MSI2: variants seen among roughly 807,000 people sequenced by gnomAD.
MSI2 encodes the protein RNA-binding protein Musashi homolog 2.
MSI2 carries 17 observed loss-of-function variants against 45.6 expected under a neutral mutation model. That is an observed-to-expected ratio of 0.37 (90% confidence interval 0.26 to 0.56). The LOEUF is 0.56. MSI2 is among the 20% of genes least tolerant of loss of function. The pLI, the probability that MSI2 is intolerant of heterozygous loss-of-function variation, is 0.77. For missense variants in MSI2, 293 were observed against 444.2 expected (o/e 0.66, Z 3.06); for synonymous variants, 156 against 158.2 (o/e 0.99, Z 0.11).
intron 6 of MSI2, among the ~76,000 whole-genome samples, chr17:57,439,826 T>G (rs544055033): frequency 6.6e-6 from 1 of 152,266 alleles, no homozygotes; most frequent in East Asian, 1.9e-4. Context: ...TTTCCAGGAT[T>G]CTTAGCGGAT....
chr17:57,607,269 T>G (rs1351834694), intron 8 of MSI2, among the ~76,000 whole-genome samples: 1 of 152,188 alleles, frequency 6.6e-6, no homozygotes, highest in Non-Finnish European at 1.5e-5. Flanking sequence ...CCCTCCTGAG[T>G]CAAGATTATA....
chr17:57,650,369 G>A (rs369067983), intron 10 of MSI2, among the ~76,000 whole-genome samples: 1 of 152,160 alleles, frequency 6.6e-6, no homozygotes. Flanking sequence ...GGTGTCCTGG[G>A]GGTTGGGACA....
At chr17:57,329,795 A>G (rs1484485268) in intron 5 of MSI2, among the ~76,000 whole-genome samples, 2 of 152,194 alleles carry the variant, frequency 1.3e-5, no homozygotes, top group African/African-American at 4.8e-5. Context: ...GAGTTACGTA[A>G]TTTTGCAGAA....
At chr17:57,526,570 G>A (rs966187664) in intron 6 of MSI2, among the ~76,000 whole-genome samples, 3 of 151,936 alleles carry the variant, frequency 2.0e-5, no homozygotes, top group African/African-American at 4.8e-5. Context: ...AAACAGTCTC[G>A]TATGTGAGAC....
intron 6 of MSI2, among the ~76,000 whole-genome samples, chr17:57,450,670 C>CAAAAA (rs58773765): frequency 3.1e-5 from 1 of 31,940 alleles, no homozygotes; most frequent in African/African-American, 1.2e-4. Context: ...GACTGCATCT[C>CAAAAA]AAAAAAAAAA....
At chr17:57,516,162 A>C (rs1598354639) in intron 6 of MSI2, among the ~76,000 whole-genome samples, 1 of 151,986 alleles carries the variant, frequency 6.6e-6, no homozygotes, top group Non-Finnish European at 1.5e-5. Context: ...CTGTTCCATC[A>C]CCCCAACAAA....
At chr17:57,502,737 T>C (rs905767232) in intron 6 of MSI2, among the ~76,000 whole-genome samples, 1 of 150,594 alleles carries the variant, frequency 6.6e-6, no homozygotes, top group African/African-American at 2.4e-5. Flanking sequence ...GATGAGGCTG[T>C]TTGCGTGTTT....
At chr17:57,433,415 A>G (rs2084635776) in intron 6 of MSI2, among the ~76,000 whole-genome samples, 1 of 152,192 alleles carries the variant, frequency 6.6e-6, no homozygotes, top group Non-Finnish European at 1.5e-5. Flanking sequence ...AGAGACAGGG[A>G]TCAGAGTGAT....
In MSI2 at chr17:57,585,646, GAGA is replaced by G. The variant is rs1382226106; in HGVS notation, c.455-11219_455-11217del. On this transcript the variant is annotated intron_variant, in intron 7 of 13. Coordinates refer to ENST00000284073, the MANE Select transcript of MSI2 (RefSeq NM_138962.4). ...GGATGAGGCTGGAGGATGAACGTGA[GAGA>G]AGGTGACAAATTTGAAACCCACTCT... 1.4e-4 allele frequency among the ~76,000 whole-genome samples: 22 copies of G among 152,346 alleles called. No individual in the cohort carries two copies. In the East Asian group the frequency reaches 4.0e-3, roughly 28 times the overall value.
At chr17:57,502,251 AC>A (rs2086123092) in intron 6 of MSI2, among the ~76,000 whole-genome samples, 1 of 152,178 alleles carries the variant, frequency 6.6e-6, no homozygotes, top group African/African-American at 2.4e-5. Context: ...GTTCTTTACC[AC>A]ATTAAAAGAT....
chr17:57,395,200 C>T (rs1257047341), intron 5 of MSI2, among the ~76,000 whole-genome samples: 1 of 152,210 alleles, frequency 6.6e-6, no homozygotes, highest in Non-Finnish European at 1.5e-5. Flanking sequence ...GGATTTAGGG[C>T]TTACCCTATG....
intron 13 of MSI2, 85 bp from the exon 14 acceptor site, chr17:57,679,464 A>G: frequency 2.9e-6 from 2 of 683,610 alleles, no homozygotes; most frequent in Non-Finnish European, 3.7e-6. Context: ...AGGAAATCGC[A>G]TACTTGTCTG....
At chr17:57,275,613 T>G (rs1207516054) in intron 5 of MSI2, among the ~76,000 whole-genome samples, 1 of 152,150 alleles carries the variant, frequency 6.6e-6, no homozygotes, top group Non-Finnish European at 1.5e-5. Context: ...GTGGGTCCCT[T>G]TCACTTCATG....
intron 5 of MSI2, among the ~76,000 whole-genome samples, chr17:57,323,210 G>A (rs867397776): frequency 6.6e-6 from 1 of 152,194 alleles, no homozygotes; most frequent in Non-Finnish European, 1.5e-5. Context: ...TGAATCAGGT[G>A]TAGGTCTGTT....
chr17:57,329,963 C>A (rs1022272064), intron 5 of MSI2, among the ~76,000 whole-genome samples: 7 of 149,770 alleles, frequency 4.7e-5, no homozygotes, highest in African/African-American at 1.5e-4. Flanking sequence ...GGTCAGATAG[C>A]CTTATTTAAC....
intron 6 of MSI2, among the ~76,000 whole-genome samples, chr17:57,404,666 C>T (rs2143128380): frequency 6.6e-6 from 1 of 152,216 alleles, no homozygotes; most frequent in South Asian, 2.1e-4. Flanking sequence ...CCCATCCTGC[C>T]CGAGGTGGCA....
intron 9 of MSI2, among the ~76,000 whole-genome samples, chr17:57,622,247 T>TTTGCGGCACTGCC (rs11269673): frequency 0.56 from 84,471 of 151,936 alleles, 24,583 homozygotes; most frequent in East Asian, 0.79. Flanking sequence ...CCCCTCAGAC[T>TTTGCGGCACTGCC]TTGCGGCACC....
intron 6 of MSI2, among the ~76,000 whole-genome samples, chr17:57,404,521 A>T (rs1230867060): frequency 6.6e-6 from 1 of 152,114 alleles, no homozygotes; most frequent in African/African-American, 2.4e-5. Flanking sequence ...CCCAGGTAAG[A>T]CAGTGTAAGA....
chr17:57,454,918 C>G (rs4793852), intron 6 of MSI2, among the ~76,000 whole-genome samples: 3 of 152,054 alleles, frequency 2.0e-5, no homozygotes, highest in African/African-American at 7.3e-5. Context: ...TGGGGCTTCA[C>G]CTCATCTTTG....
Sources: allele counts gnomAD v4.1 joint callset (sites outside exome capture counted in the v4.1 genomes callset), GRCh38; gene constraint gnomAD v4.1.1; transcripts MANE v1.5; gene names NCBI Gene and HGNC (gene_info 2026-07-23, HGNC 2026-07-21).